Variants in BOLA1 observed in about 807,000 individuals in gnomAD.
The protein encoded by BOLA1 is bolA family member 1, also known as bolA-like protein 1.
A neutral mutation model predicts 6.6 loss-of-function variants in BOLA1; 6 were observed. That is an observed-to-expected ratio of 0.92 (90% CI 0.50 to 1.81). The LOEUF is 1.81. BOLA1 is among the 40% of genes most tolerant of loss of function. BOLA1 has a pLI of 0.01. For synonymous variants in BOLA1, 87 were observed against 85.6 expected, an observed-to-expected ratio of 1.02 and a Z score of -0.09; for missense variants, 183 against 186.8, an observed-to-expected ratio of 0.98 and a Z score of 0.12.
chr1:149,900,092 C>T lies in BOLA1; in HGVS notation c.33C>T (p.Val11=). Residue 11 remains valine, a synonymous_variant, in exon 2 of 2, where the codon GTC becomes GTT. Coordinates refer to ENST00000369152, the MANE Select transcript of BOLA1 (RefSeq NM_016074.5). The part of the protein sequence containing the change: MLSGRLVLGL[V]SMAGRVCLCQ... ...GTGGGCGGCTGGTCCTGGGTCTGGT[C>T]TCCATGGCTGGCCGCGTTTGTTTGT... The T allele has an allele frequency of 1.9e-6, 3 of 1,608,112 alleles. No homozygotes were observed. Among genetic ancestry groups the T allele is most frequent in the South Asian group, 1.1e-5 (1 of 90,512 alleles).
chr1:149,900,441 G>T lies in BOLA1; in HGVS notation c.382G>T (p.Gly128Cys). ...SQLDTSPPCL[G>C]GNKKTLGTP ...GCTGGACACTAGCCCCCCATGCCTGGGTGGGAACAAGAAAACTCTAGGAAC... is the reference window on the plus strand; with the variant it reads ...GCTGGACACTAGCCCCCCATGCCTGTGTGGGAACAAGAAAACTCTAGGAAC... Residue 128 changes from glycine to cysteine, a missense_variant, in exon 2 of 2, where the codon GGT becomes TGT. Gly to Cys is a radical substitution (Grantham distance 159, BLOSUM62 -3). Transcript: ENST00000369152. 1 of 1,588,578 alleles carries T rather than the reference G, an allele frequency of 6.3e-7. No individual in the cohort carries two copies. The highest frequency in any genetic ancestry group is 1.1e-5 in the South Asian group (1 of 89,686).
chr1:149,900,530 G>T lies in BOLA1; in HGVS notation c.*57G>T, dbSNP rs2092388173. 3.3e-6 allele frequency: 5 copies of T among 1,509,414 alleles called. No homozygotes were observed. In the South Asian group the frequency reaches 6.6e-5, roughly 20 times the overall value. 93.5% of individuals were successfully genotyped at this position (1,509,414 alleles called of 1,614,324 possible). A position where few individuals can be genotyped will look rare whatever the true frequency, so the allele number is the denominator to read the frequency against. Reference sequence around the variant, plus strand: ...GGGCTGGGTGAGCACGAATTACCGAGGCCTTCCCTTTGATACAGTCCAGGA... The same window carrying T: ...GGGCTGGGTGAGCACGAATTACCGATGCCTTCCCTTTGATACAGTCCAGGA... On this transcript the variant is annotated 3_prime_UTR_variant, in exon 2 of 2. Coordinates refer to ENST00000369152, the MANE Select transcript of BOLA1 (RefSeq NM_016074.5).
intron 1 of BOLA1, 67 bp from the exon 2 acceptor site, chr1:149,899,943 G>C (rs2092381460): frequency 7.4e-7 from 1 of 1,349,578 alleles, no homozygotes; most frequent in Non-Finnish European, 9.9e-7. Flanking sequence ...TGGTGTGGAC[G>C]TCCGGGCGTG....
At position 149,900,195 on chromosome 1, in the gene BOLA1, C is replaced by T. The variant is rs782128050; in HGVS notation, c.136C>T (p.Pro46Ser). Reference sequence around the variant, plus strand: ...CACGAAGTTGGAGGAGGCCCTGAGCCCCGAGGTGCTAGAGCTTCGCAACGA... The same window carrying T: ...CACGAAGTTGGAGGAGGCCCTGAGCTCCGAGGTGCTAGAGCTTCGCAACGA... ...IRTKLEEALS[P>S]EVLELRNESG... Residue 46 changes from proline to serine, a missense_variant, in exon 2 of 2, where the codon CCC becomes TCC. Pro to Ser is a moderately conservative substitution (Grantham distance 74). Transcript: ENST00000369152. 8 of 1,613,730 alleles carry T rather than the reference C, an allele frequency of 5.0e-6. No homozygotes were observed. The Admixed American group carries it at 1.3e-4, about 27-fold the overall frequency.
chr1:149,899,802 G>T (rs1553761563), intron 1 of BOLA1, 130 bp downstream of exon 1: 3 of 472,240 alleles, frequency 6.4e-6, no homozygotes, highest in African/African-American at 4.0e-5. Context: ...CGCCTCGCGT[G>T]CGGGCCTTTC....
chr1:149,900,365 T>TG lies in BOLA1; in HGVS notation c.307dup (p.Ala103GlyfsTer21). 1 of 1,613,192 alleles carries TG rather than the reference T, an allele frequency of 6.2e-7. No individual in the cohort carries two copies. On this transcript the variant is annotated frameshift_variant, in exon 2 of 2. Coordinates refer to ENST00000369152, the MANE Select transcript of BOLA1 (RefSeq NM_016074.5). LOFTEE classifies it high-confidence loss of function. The stretch of plus-strand genomic sequence containing the variant: ...CCGAGGAGCTGGGAGGTCCGGTCCA[T>TG]GCGCTGGCCATCCAGGCACGGACCC...
rs73006303 is a variant in BOLA1, at chr1:149,900,520, G to A, written c.*47G>A. 4.0e-3 allele frequency: 6,103 copies of A among 1,514,878 alleles called. 158 individuals are homozygous for A. The African/African-American group carries it at 0.064, about 16-fold the overall frequency. 93.8% of individuals were successfully genotyped at this position (1,514,878 alleles called of 1,614,324 possible). On this transcript the variant is annotated 3_prime_UTR_variant, in exon 2 of 2. Coordinates refer to ENST00000369152, the MANE Select transcript of BOLA1 (RefSeq NM_016074.5). ...GGATCCGAATGGGCTGGGTGAGCAC[G>A]AATTACCGAGGCCTTCCCTTTGATA...
intron 1 of BOLA1, 98 bp from the exon 2 acceptor site, chr1:149,899,912 A>T: frequency 1.0e-6 from 1 of 960,424 alleles, no homozygotes; most frequent in Non-Finnish European, 1.5e-6. Flanking sequence ...TGTGGCATCA[A>T]GGCGGGCTCC....
Position 149,900,389 on chromosome 1 carries a change from C to T in BOLA1, c.330C>T (p.Thr110=), listed in dbSNP as rs782255561. ...PVHALAIQAR[T]PAQWRENSQL... is the part of the protein sequence containing the mutation. ...ATGCGCTGGCCATCCAGGCACGGAC[C>T]CCCGCCCAGTGGAGAGAGAACTCTC... The change falls in exon 2 of 2, where the codon ACC becomes ACT. Residue 110 remains threonine (T), a synonymous_variant. Transcript: ENST00000369152. The T allele has an allele frequency of 1.2e-5, 19 of 1,612,274 alleles. No individual in the cohort carries two copies. The East Asian group carries it at 4.2e-4, about 36-fold the overall frequency.
rs1247498216 is a variant in BOLA1 at position 149,899,982 on chromosome 1, G to A, written c.-50-28G>A. 9.4e-6 allele frequency: 14 copies of A among 1,493,718 alleles called. No homozygotes were observed. The African/African-American group carries it at 1.4e-4, about 15-fold the overall frequency. The allele number at this position is 1,493,718 out of a possible 1,614,324, so 92.5% of individuals were successfully genotyped here. On this transcript the variant is annotated intron_variant, in intron 1 of 1. Transcript: ENST00000369152. Reference sequence around the variant, plus strand: ...TTAGGGCGGATGCGGGGATCGCGGGGCGGGTGTTGACATTGTGCTCTCACC... The same window carrying A: ...TTAGGGCGGATGCGGGGATCGCGGGACGGGTGTTGACATTGTGCTCTCACC...
rs2092388337 is a variant in BOLA1, at chr1:149,900,559, G to T, written c.*86G>T. 7.0e-7 allele frequency: 1 copy of T among 1,437,512 alleles called. No individual in the cohort carries two copies. The highest frequency in any genetic ancestry group is 1.4e-5 in the South Asian group (1 of 71,648). 89.0% of individuals were successfully genotyped at this position (1,437,512 alleles called of 1,614,324 possible). ...TTCCCTTTGATACAGTCCAGGATTTGTAAGGGATGAAGACCCCTGGGCCCC... is the reference window on the plus strand; with the variant it reads ...TTCCCTTTGATACAGTCCAGGATTTTTAAGGGATGAAGACCCCTGGGCCCC... On this transcript the variant is annotated 3_prime_UTR_variant, in exon 2 of 2. Coordinates refer to ENST00000369152, the MANE Select transcript of BOLA1 (RefSeq NM_016074.5).
Position 149,900,512 on chromosome 1 carries a change from G to C in BOLA1, c.*39G>C. 1 of 1,524,854 alleles carries C rather than the reference G, an allele frequency of 6.6e-7. No individual in the cohort carries two copies. 94.5% of individuals were successfully genotyped at this position (1,524,854 alleles called of 1,614,324 possible). A position where few individuals can be genotyped will look rare whatever the true frequency, so the allele number is the denominator to read the frequency against. On this transcript the variant is annotated 3_prime_UTR_variant, in exon 2 of 2. Transcript: ENST00000369152. ...GAGGACCAGGATCCGAATGGGCTGG[G>C]TGAGCACGAATTACCGAGGCCTTCC...
chr1:149,900,004 C>T lies in BOLA1; in HGVS notation c.-50-6C>T. The stretch of plus-strand genomic sequence containing the variant: ...GGGGCGGGTGTTGACATTGTGCTCT[C>T]ACCAGGCGGATCGCCCCGACCCTCA... On this transcript the variant is annotated splice_region_variant and splice_polypyrimidine_tract_variant and intron_variant, in intron 1 of 1. Transcript: ENST00000369152. 2.0e-6 allele frequency: 3 copies of T among 1,525,374 alleles called. No homozygotes were observed. The highest frequency in any genetic ancestry group is 2.6e-6 in the Non-Finnish European group (3 of 1,136,322). 94.5% of individuals were successfully genotyped at this position (1,525,374 alleles called of 1,614,324 possible).
At position 149,900,040 on chromosome 1, in the gene BOLA1, CTGAGTCTCTGGCGTA is replaced by C; in HGVS notation, c.-19_-5del. 3.2e-6 allele frequency: 5 copies of C among 1,559,258 alleles called. No individual in the cohort carries two copies. Among genetic ancestry groups the C allele is most frequent in the Non-Finnish European group, 4.4e-6 (5 of 1,148,498 alleles). Reference sequence around the variant, plus strand: ...TCGCCCCGACCCTCACTCCTGGCGTCTGAGTCTCTGGCGTAGCCCATGCTGAGTGGGCGGCTGGTC... The same window carrying C: ...TCGCCCCGACCCTCACTCCTGGCGTCGCCCATGCTGAGTGGGCGGCTGGTC... On this transcript the variant is annotated 5_prime_UTR_variant, in exon 2 of 2. Transcript: ENST00000369152.
chr1:149,900,176 G>A lies in BOLA1; in HGVS notation c.117G>A (p.Lys39=), dbSNP rs372052018. 138 of 1,613,702 alleles carry A rather than the reference G, an allele frequency of 8.6e-5. 1 individual carries two copies. The highest frequency in any genetic ancestry group is 1.6e-4 in the Middle Eastern group (1 of 6,084). ...IGPVEAAIRT[K]LEEALSPEVL... is the part of the protein sequence containing the mutation. The stretch of plus-strand genomic sequence containing the variant: ...CGGTGGAGGCCGCCATTCGCACGAA[G>A]TTGGAGGAGGCCCTGAGCCCCGAGG... Residue 39 remains lysine (K), a synonymous_variant, in exon 2 of 2, where the codon AAG becomes AAA. Transcript: ENST00000369152.
At position 149,900,367 on chromosome 1, in the gene BOLA1, C is replaced by T. The variant is rs148563158; in HGVS notation, c.308C>T (p.Ala103Val). The T allele has an allele frequency of 3.5e-4, 565 of 1,613,142 alleles. 1 individual carries two copies. Among genetic ancestry groups the T allele is most frequent in the Non-Finnish European group, 4.5e-4 (534 of 1,179,832 alleles). Residue 103 changes from alanine to valine, a missense_variant, in exon 2 of 2, where the codon GCG becomes GTG. Coordinates refer to ENST00000369152, the MANE Select transcript of BOLA1 (RefSeq NM_016074.5). Reference protein sequence around the residue: ...LAEELGGPVHALAIQARTPAQ... With the variant: ...LAEELGGPVHVLAIQARTPAQ... ...GAGGAGCTGGGAGGTCCGGTCCATGCGCTGGCCATCCAGGCACGGACCCCC... is the reference window on the plus strand; with the variant it reads ...GAGGAGCTGGGAGGTCCGGTCCATGTGCTGGCCATCCAGGCACGGACCCCC...
In BOLA1 at chr1:149,900,398, G is replaced by A. The variant is rs373361097; in HGVS notation, c.339G>A (p.Gln113=). 1.1e-4 allele frequency: 183 copies of A among 1,611,052 alleles called. 1 individual carries two copies. Among genetic ancestry groups the A allele is most frequent in the Middle Eastern group, 1.7e-4 (1 of 6,054 alleles). Residue 113 remains glutamine, a synonymous_variant, in exon 2 of 2, where the codon CAG becomes CAA. Transcript: ENST00000369152. ...ALAIQARTPA[Q]WRENSQLDTS... ...CCATCCAGGCACGGACCCCCGCCCA[G>A]TGGAGAGAGAACTCTCAGCTGGACA... is the stretch of plus-strand genomic sequence containing the variant.
chr1:149,900,395 C>T lies in BOLA1; in HGVS notation c.336C>T (p.Ala112=). 1 of 1,611,412 alleles carries T rather than the reference C, an allele frequency of 6.2e-7. No individual in the cohort carries two copies. The highest frequency in any genetic ancestry group is 8.5e-7 in the Non-Finnish European group (1 of 1,178,308). Residue 112 remains alanine, a synonymous_variant, in exon 2 of 2, where the codon GCC becomes GCT. Transcript: ENST00000369152. The part of the protein sequence containing the change: ...HALAIQARTP[A]QWRENSQLDT... ...TGGCCATCCAGGCACGGACCCCCGC[C>T]CAGTGGAGAGAGAACTCTCAGCTGG... is the stretch of plus-strand genomic sequence containing the variant.
chr1:149,900,071 G>A lies in BOLA1; in HGVS notation c.12G>A (p.Gly4=), dbSNP rs1553761629. Reference sequence around the variant, plus strand: ...CTCTGGCGTAGCCCATGCTGAGTGGGCGGCTGGTCCTGGGTCTGGTCTCCA... The same window carrying A: ...CTCTGGCGTAGCCCATGCTGAGTGGACGGCTGGTCCTGGGTCTGGTCTCCA... MLS[G]RLVLGLVSMA... The change falls in exon 2 of 2, where the codon GGG becomes GGA. Residue 4 remains glycine (G), a synonymous_variant. Transcript: ENST00000369152. The A allele has an allele frequency of 1.9e-6, 3 of 1,593,308 alleles. No homozygotes were observed. The highest frequency in any genetic ancestry group is 2.6e-6 in the Non-Finnish European group (3 of 1,165,968).
Sources: allele counts gnomAD v4.1 joint callset, GRCh38; gene constraint gnomAD v4.1.1; transcripts MANE v1.5; gene names NCBI Gene and HGNC (gene_info 2026-07-23, HGNC 2026-07-21).